Variants in GNG7 observed in about 807,000 individuals in gnomAD.
The protein encoded by GNG7 is guanine nucleotide-binding protein G(I)/G(S)/G(O) subunit gamma-7.
A neutral mutation model predicts 4.0 loss-of-function variants in GNG7; 1 was observed. The ratio of observed to expected loss-of-function variants is 0.25; its 90% CI spans 0.09 to 1.18. The LOEUF is 1.18. Among genes scored for constraint, GNG7 ranks in the 50% most tolerant of loss-of-function variants. The pLI, the probability that GNG7 is intolerant of heterozygous loss-of-function variation, is 0.50. For missense variants in GNG7, 86 were observed against 91.9 expected (o/e 0.94, Z 0.26); for synonymous variants, 34 against 36.9 (o/e 0.92, Z 0.29).
At chr19:2,691,029 T>A (rs895976338) in intron 1 of GNG7, among the ~76,000 whole-genome samples, 3 of 152,156 alleles carry the variant, frequency 2.0e-5, no homozygotes, top group Admixed American at 1.3e-4. Flanking sequence ...TGTGTCAACG[T>A]GGGTTCATCC....
intron 1 of GNG7, among the ~76,000 whole-genome samples, chr19:2,661,294 GAAAGAAAGAGAA>G (rs1328565321): frequency 7.5e-4 from 32 of 42,486 alleles, no homozygotes; most frequent in African/African-American, 2.8e-3. Context: ...AAGAAAGAAA[GAAAGAAAGAGAA>G]AGAAAGAAAG....
intron 2 of GNG7, among the ~76,000 whole-genome samples, chr19:2,606,194 C>T (rs1981379029): frequency 6.6e-6 from 1 of 151,998 alleles, no homozygotes. Context: ...GCCTGGGCAA[C>T]ATAGTGAGAT....
chr19:2,657,944 G>C (rs991121919), intron 1 of GNG7, among the ~76,000 whole-genome samples: 27 of 151,952 alleles, frequency 1.8e-4, no homozygotes, highest in Admixed American at 3.3e-4. Flanking sequence ...AACAGGGAAG[G>C]GCCCCATGTC....
At chr19:2,615,039 C>G (rs1236538315) in intron 2 of GNG7, among the ~76,000 whole-genome samples, 1 of 152,218 alleles carries the variant, frequency 6.6e-6, no homozygotes, top group Non-Finnish European at 1.5e-5. Flanking sequence ...GCGGCTCCTG[C>G]CCAAGCCCTC....
intron 2 of GNG7, chr19:2,642,789 C>G (rs557983505): frequency 4.4e-6 from 2 of 456,626 alleles, no homozygotes; most frequent in Non-Finnish European, 4.4e-6. Context: ...CCATGGCGCC[C>G]GGCCAGAACT....
rs1426331594 is a variant in GNG7 at position 2,687,288 on chromosome 19, G to A, written c.-135+15358C>T. Among the ~76,000 whole-genome samples, 4 of 152,064 alleles carry A rather than the reference G, an allele frequency of 2.6e-5. No individual in the cohort carries two copies. In the East Asian group the frequency reaches 7.8e-4, roughly 30 times the overall value. ...TTGTCCAGGCTGGTCTCAAGCTCCT[G>A]GGCTCAAGCAATCCTCTCATCTTGG... On this transcript the variant is annotated intron_variant, in intron 1 of 4. Transcript: ENST00000382159.
intron 1 of GNG7, among the ~76,000 whole-genome samples, chr19:2,657,900 CCTCT>C (rs111871407): frequency 3.4e-5 from 5 of 147,924 alleles, no homozygotes; most frequent in East Asian, 2.0e-4. Context: ...TAAGCTGTCT[CCTCT>C]CTCTCTCTCT....
At chr19:2,568,586 TACAC>T (rs61728281) in intron 2 of GNG7, among the ~76,000 whole-genome samples, 70 of 150,372 alleles carry the variant, frequency 4.7e-4, no homozygotes, top group Non-Finnish European at 5.9e-4. Flanking sequence ...CATGCACAAA[TACAC>T]ACATATATAG....
chr19:2,686,900 C>T (rs548901812), intron 1 of GNG7, among the ~76,000 whole-genome samples: 3 of 151,884 alleles, frequency 2.0e-5, no homozygotes, highest in East Asian at 1.9e-4. Flanking sequence ...TACAGGCGCC[C>T]GCCACCACAT....
chr19:2,682,588 G>A (rs1983766080), intron 1 of GNG7, among the ~76,000 whole-genome samples: 1 of 149,840 alleles, frequency 6.7e-6, no homozygotes, highest in South Asian at 2.1e-4. Context: ...ACTTGAACCC[G>A]GGAGACGGAG....
At chr19:2,554,172 A>T (rs1045584842) in intron 3 of GNG7, among the ~76,000 whole-genome samples, 1 of 146,184 alleles carries the variant, frequency 6.8e-6, no homozygotes, top group Non-Finnish European at 1.5e-5. Context: ...TATAATATAT[A>T]ATATATATAT....
At chr19:2,682,101 G>T (rs1052039622) in intron 1 of GNG7, among the ~76,000 whole-genome samples, 1 of 151,934 alleles carries the variant, frequency 6.6e-6, no homozygotes, top group Non-Finnish European at 1.5e-5. Flanking sequence ...CAGAGACTGG[G>T]TTTCACTATG....
intron 1 of GNG7, among the ~76,000 whole-genome samples, chr19:2,648,121 A>T (rs1982716908): frequency 1.3e-5 from 2 of 151,804 alleles, no homozygotes; most frequent in African/African-American, 4.8e-5. Context: ...TGAAACTGGG[A>T]TAAAGAGTGA....
In GNG7 at chr19:2,618,873, G is replaced by T. The variant is rs1981792540; in HGVS notation, c.-78+27351C>A. On this transcript the variant is annotated intron_variant, in intron 2 of 4. Transcript: ENST00000382159. This position sits in a 1 kb window ranked among gnomAD's most constrained non-coding sequence, Gnocchi z 5.1. ...CAGTTTTCCCCTCACGACCTTTCCT[G>T]CCCCATTGTGACCCCATCCAGGAGC... is the stretch of plus-strand genomic sequence containing the variant. Among the ~76,000 whole-genome samples the T allele has an allele frequency of 6.6e-6, 1 of 151,894 alleles. No homozygotes were observed. The highest frequency in any genetic ancestry group is 2.1e-4 in the South Asian group (1 of 4,814).
At chr19:2,575,676 G>GAC in intron 2 of GNG7, among the ~76,000 whole-genome samples, 1 of 120,236 alleles carries the variant, frequency 8.3e-6, no homozygotes, top group African/African-American at 3.3e-5. Flanking sequence ...GGCACATGCA[G>GAC]ACACGCAGGC....
chr19:2,623,554 G>A (rs1210438904), intron 2 of GNG7, among the ~76,000 whole-genome samples: 2 of 152,182 alleles, frequency 1.3e-5, no homozygotes, highest in African/African-American at 2.4e-5. Context: ...TGCACCTTGA[G>A]GACGTCACGC....
At chr19:2,541,634 C>T (rs1978964955) in intron 3 of GNG7, among the ~76,000 whole-genome samples, 1 of 150,982 alleles carries the variant, frequency 6.6e-6, no homozygotes, top group South Asian at 2.1e-4. Flanking sequence ...CCCAGCTACT[C>T]AGGAGGCTGA....
intron 2 of GNG7, among the ~76,000 whole-genome samples, chr19:2,583,581 C>T (rs1980563094): frequency 6.6e-6 from 1 of 152,232 alleles, no homozygotes; most frequent in Non-Finnish European, 1.5e-5. Flanking sequence ...GACTTTCACA[C>T]TTCCTGATGA....
At position 2,546,337 on chromosome 19, in the gene GNG7, C is replaced by A. The variant is rs1979125426; in HGVS notation, c.-38+8812G>T. Among the ~76,000 whole-genome samples, 1 of 152,258 alleles carries A rather than the reference C, an allele frequency of 6.6e-6. No homozygotes were observed. Among genetic ancestry groups the A allele is most frequent in the Non-Finnish European group, 1.5e-5 (1 of 68,034 alleles). On this transcript the variant is annotated intron_variant, in intron 3 of 4. Coordinates refer to ENST00000382159, the MANE Select transcript of GNG7 (RefSeq NM_052847.3). The surrounding 1 kb of genome is among the most constrained non-coding windows in gnomAD (Gnocchi z 6.3). The stretch of plus-strand genomic sequence containing the variant: ...GCCTCTCCAGGGCCAGGTCGCCCAG[C>A]AGGGCCTGGGAGGGCGGCTGTGTGT...
Sources: allele counts gnomAD v4.1 joint callset (sites outside exome capture counted in the v4.1 genomes callset), GRCh38; gene constraint gnomAD v4.1.1; non-coding constraint Gnocchi (gnomAD v3.1); transcripts MANE v1.5; gene names NCBI Gene and HGNC (gene_info 2026-07-23, HGNC 2026-07-21).